Variants in PDE1C observed in about 807,000 individuals in gnomAD.
PDE1C encodes the protein phosphodiesterase 1C, also known as dual specificity calcium/calmodulin-dependent 3',5'-cyclic nucleotide phosphodiesterase 1C.
A neutral mutation model predicts 93.1 loss-of-function variants in PDE1C; 62 were observed. The ratio of observed to expected loss-of-function variants is 0.67; its 90% CI spans 0.54 to 0.82. PDE1C has a LOEUF of 0.82. Among genes scored for constraint, PDE1C ranks in the 40% least tolerant of loss-of-function variants. The pLI, the probability that PDE1C is intolerant of heterozygous loss-of-function variation, is 0.00. For synonymous variants in PDE1C, 325 were observed against 310.1 expected, an observed-to-expected ratio of 1.05 and a Z score of -0.50; for missense variants, 742 against 884.6, an observed-to-expected ratio of 0.84 and a Z score of 2.04.
intron 3 of PDE1C, among the ~76,000 whole-genome samples, chr7:32,133,689 AC>A (rs561646326): frequency 3.1e-3 from 477 of 152,306 alleles, no homozygotes; most frequent in Middle Eastern, 0.031. Flanking sequence ...AAATAAAAAA[AC>A]ATCAATACTC....
chr7:32,035,863 G>A (rs1790997664), intron 2 of PDE1C, among the ~76,000 whole-genome samples: 1 of 152,200 alleles, frequency 6.6e-6, no homozygotes, highest in Non-Finnish European at 1.5e-5. Flanking sequence ...GAGAAAACAG[G>A]AAAGGTAATC....
chr7:32,132,026 C>T (rs1270840757), intron 3 of PDE1C, among the ~76,000 whole-genome samples: 1 of 152,010 alleles, frequency 6.6e-6, no homozygotes, highest in African/African-American at 2.4e-5. Flanking sequence ...GTTTGATTGG[C>T]TTGTTTGAAT....
intron 1 of PDE1C, among the ~76,000 whole-genome samples, chr7:32,357,334 AC>A (rs1784050909): frequency 7.0e-6 from 1 of 142,914 alleles, no homozygotes; most frequent in African/African-American, 2.9e-5. Context: ...ATTCCATCAC[AC>A]ACAAAAAAAA....
intron 1 of PDE1C, among the ~76,000 whole-genome samples, chr7:32,058,304 G>A (rs1419847532): frequency 6.6e-6 from 1 of 152,100 alleles, no homozygotes; most frequent in African/African-American, 2.4e-5. Context: ...TCAGCCCTCA[G>A]TTCTCTCAAG....
the PDE1C span, among the ~76,000 whole-genome samples, chr7:31,686,132 C>T: frequency 1.6e-4 from 25 of 152,172 alleles, no homozygotes; most frequent in East Asian, 1.9e-4. Context: ...GGATGGTGCT[C>T]ACGTATCTTC....
At chr7:32,229,178 T>C (rs1160925863) in intron 1 of PDE1C, among the ~76,000 whole-genome samples, 1 of 152,200 alleles carries the variant, frequency 6.6e-6, no homozygotes, top group Non-Finnish European at 1.5e-5. Context: ...TCCTGGGCTT[T>C]TTCCACATTA....
chr7:32,384,777 A>T (rs1479153013), intron 1 of PDE1C, among the ~76,000 whole-genome samples: 2 of 152,234 alleles, frequency 1.3e-5, no homozygotes, highest in East Asian at 1.9e-4. Flanking sequence ...CTTAAACTTT[A>T]ATGCACTCAG....
chr7:32,423,131 T>G (rs963612642), intron 1 of PDE1C, among the ~76,000 whole-genome samples: 9 of 152,088 alleles, frequency 5.9e-5, no homozygotes, highest in African/African-American at 2.2e-4. Flanking sequence ...TCCCAGCACT[T>G]TGGGCGGCTG....
chr7:31,656,105 A>AT, the PDE1C span: 1 of 842,886 alleles, frequency 1.2e-6, no homozygotes, highest in Non-Finnish European at 1.4e-6. Context: ...AGTGATCCTT[A>AT]TTTTTTGAAA....
intron 1 of PDE1C, among the ~76,000 whole-genome samples, chr7:32,337,477 C>T (rs1028268018): frequency 6.6e-6 from 1 of 152,310 alleles, no homozygotes; most frequent in Non-Finnish European, 1.5e-5. Context: ...TACTGCTATA[C>T]ATCTTTATCT....
At chr7:31,940,220 G>A (rs921714319) in intron 2 of PDE1C, among the ~76,000 whole-genome samples, 3 of 152,102 alleles carry the variant, frequency 2.0e-5, no homozygotes, top group African/African-American at 7.2e-5. Context: ...TTCCTATTGT[G>A]CCACAATGTC....
rs79940490 is a variant in PDE1C, at chr7:32,404,797, T to C, written c.310+23025A>G. Among the ~76,000 whole-genome samples, 10 of 152,324 alleles carry C rather than the reference T, an allele frequency of 6.6e-5. No individual in the cohort carries two copies. The South Asian group carries it at 8.3e-4, about 13-fold the overall frequency. ...GAAAACAAGGAGGAACAGCCTCCAA[T>C]TGAAACACTGCATGGGAGATAAATT... On this transcript the variant is annotated intron_variant, in intron 1 of 1. Coordinates refer to the PDE1C transcript ENST00000672256.
chr7:31,620,552 G>C, the PDE1C span, among the ~76,000 whole-genome samples: 2 of 151,370 alleles, frequency 1.3e-5, no homozygotes, highest in African/African-American at 4.9e-5. Context: ...TGAGGGTCCT[G>C]TCTGTTAGAA....
chr7:31,809,676 G>A (rs1036164778), intron 15 of PDE1C, among the ~76,000 whole-genome samples: 2 of 152,084 alleles, frequency 1.3e-5, no homozygotes, highest in Non-Finnish European at 2.9e-5. Flanking sequence ...GGAATAGTAA[G>A]AGGATTCCAA....
At chr7:32,196,040 G>A (rs1021904016) in intron 2 of PDE1C, among the ~76,000 whole-genome samples, 8 of 152,222 alleles carry the variant, frequency 5.3e-5, no homozygotes, top group African/African-American at 1.9e-4. Flanking sequence ...GGAGGAAGAG[G>A]GATGCTTGGT....
chr7:31,943,592 G>T (rs1806147886), intron 2 of PDE1C, among the ~76,000 whole-genome samples: 2 of 152,158 alleles, frequency 1.3e-5, no homozygotes, highest in Admixed American at 1.3e-4. Flanking sequence ...TTCACCAACA[G>T]TAGTCCTATA....
intron 3 of PDE1C, among the ~76,000 whole-genome samples, chr7:32,160,850 G>A (rs1801874801): frequency 6.6e-6 from 1 of 151,872 alleles, no homozygotes; most frequent in African/African-American, 2.4e-5. Flanking sequence ...AGAGAGAAAG[G>A]GAGGGAGGGA....
intron 3 of PDE1C, among the ~76,000 whole-genome samples, chr7:32,155,061 G>A (rs1398842320): frequency 6.7e-6 from 1 of 149,206 alleles, no homozygotes; most frequent in African/African-American, 2.5e-5. Context: ...TGTGGCACCG[G>A]CATTGGATCA....
At chr7:32,271,128 A>G (rs1455009146) in intron 1 of PDE1C, among the ~76,000 whole-genome samples, 1 of 152,106 alleles carries the variant, frequency 6.6e-6, no homozygotes, top group Non-Finnish European at 1.5e-5. Flanking sequence ...ACAGAGCGAG[A>G]CTCTATCTCA....
Sources: gnomAD v4.1 joint callset for allele counts (sites outside exome capture counted in the v4.1 genomes callset) on GRCh38, gnomAD v4.1.1 for gene constraint, MANE v1.5 for transcripts, NCBI Gene and HGNC (gene_info 2026-07-23, HGNC 2026-07-21) for gene names.